CENPK: variants seen among roughly 807,000 people sequenced by gnomAD.
CENPK encodes SoxLZ/Sox6-binding protein Solt.
In CENPK, 46 loss-of-function variants were observed where a neutral mutation model predicts 40.9. The ratio of observed to expected loss-of-function variants is 1.13; its 90% CI spans 0.89 to 1.44. The LOEUF is 1.44. Among genes scored for constraint, CENPK ranks in the 40% most tolerant of loss-of-function variants. The pLI, the probability that CENPK is intolerant of heterozygous loss-of-function variation, is 0.00. For missense variants in CENPK, 288 were observed against 303.5 expected (o/e 0.95, Z 0.38); for synonymous variants, 107 against 104.4 (o/e 1.02, Z -0.15).
At chr5:65,537,592 G>T (rs935952167) in intron 6 of CENPK, among the ~76,000 whole-genome samples, 1 of 152,156 alleles carries the variant, frequency 6.6e-6, no homozygotes, top group Admixed American at 6.5e-5. Flanking sequence ...GAGCCACCAC[G>T]CCCGGCCGGT....
intron 5 of CENPK, among the ~76,000 whole-genome samples, chr5:65,548,864 A>G (rs1045368295): frequency 4.6e-5 from 7 of 152,114 alleles, no homozygotes; most frequent in African/African-American, 1.7e-4. Context: ...AACCCCTCAG[A>G]GTCATCCATG....
In CENPK at chr5:65,554,860, A is replaced by G. The variant is rs754218341; in HGVS notation, c.48T>C (p.Asp16=). The change falls in exon 3 of 11, where the codon GAT becomes GAC. Residue 16 remains aspartate, a synonymous_variant. Transcript: ENST00000396679. ...TAAGTTCTTCTTCAGTATTTGTAACATCTCCCACATCTGTAGTACTATCCG... is the reference window on the plus strand; with the variant it reads ...TAAGTTCTTCTTCAGTATTTGTAACGTCTCCCACATCTGTAGTACTATCCG... ...LDPDSTTDVG[D]VTNTEEELIR... The G allele has an allele frequency of 6.8e-6, 11 of 1,605,848 alleles. No homozygotes were observed. In the East Asian group the frequency reaches 2.5e-4, roughly 36 times the overall value.
downstream of CENPK, among the ~76,000 whole-genome samples, chr5:65,515,478 C>T (rs1366307287): frequency 2.0e-5 from 3 of 152,124 alleles, no homozygotes; most frequent in Non-Finnish European, 2.9e-5. Context: ...GCTGGGATTA[C>T]AGGCATGAAC....
At chr5:65,537,154 G>A (rs1287943814) in intron 6 of CENPK, among the ~76,000 whole-genome samples, 1 of 152,222 alleles carries the variant, frequency 6.6e-6, no homozygotes, top group East Asian at 1.9e-4. Context: ...TGGAGTTAAA[G>A]TGAGAGGAAA....
intron 6 of CENPK, among the ~76,000 whole-genome samples, chr5:65,538,109 G>C (rs1357409925): frequency 6.6e-6 from 1 of 151,924 alleles, no homozygotes; most frequent in Non-Finnish European, 1.5e-5. Flanking sequence ...CATCCTAGAC[G>C]GTGTAAAGTG....
chr5:65,535,118 GAAGTAGGAGAATCCCTT>G (rs1032238961), intron 6 of CENPK, among the ~76,000 whole-genome samples: 25 of 152,184 alleles, frequency 1.6e-4, no homozygotes, highest in African/African-American at 3.6e-4. Flanking sequence ...TCAGGAGGCT[GAAGTAGGAGAATCCCTT>G]AAGTAGGAGA....
chr5:65,552,746 T>C (rs1329461793), intron 3 of CENPK, among the ~76,000 whole-genome samples, 197 bp from the exon 4 acceptor site: 1 of 144,442 alleles, frequency 6.9e-6, no homozygotes, highest in Non-Finnish European at 1.5e-5. Flanking sequence ...ACATCACAAG[T>C]AAAAAGAGAC....
intron 5 of CENPK, among the ~76,000 whole-genome samples, chr5:65,548,343 T>G (rs1457041669): frequency 6.6e-6 from 1 of 152,230 alleles, no homozygotes; most frequent in Non-Finnish European, 1.5e-5. Context: ...AATTGCTAAC[T>G]GAGATGCCTA....
At chr5:65,513,177 C>T (rs1038936057), downstream of CENPK, among the ~76,000 whole-genome samples, 1 of 152,004 alleles carries the variant, frequency 6.6e-6, no homozygotes, top group African/African-American at 2.4e-5. Flanking sequence ...TAATAAAGTC[C>T]AACTAATTTT....
At chr5:65,517,192 C>T (rs1742921276), downstream of CENPK, among the ~76,000 whole-genome samples, 2 of 152,172 alleles carry the variant, frequency 1.3e-5, no homozygotes, top group Non-Finnish European at 2.9e-5. Context: ...ATCCGCCCAC[C>T]TCGGCCTCCC....
downstream of CENPK, among the ~76,000 whole-genome samples, chr5:65,514,731 A>G (rs1742747670): frequency 6.6e-6 from 1 of 152,206 alleles, no homozygotes; most frequent in Non-Finnish European, 1.5e-5. Context: ...AATTGATTCA[A>G]TTTATTTTAT....
At chr5:65,497,620 A>G in the CENPK span, among the ~76,000 whole-genome samples, 3 of 152,218 alleles carry the variant, frequency 2.0e-5, no homozygotes, top group African/African-American at 7.2e-5. Flanking sequence ...CCTAATGGGA[A>G]GGGGATAACA....
At chr5:65,499,053 C>A in the CENPK span, among the ~76,000 whole-genome samples, 4 of 151,442 alleles carry the variant, frequency 2.6e-5, no homozygotes, top group African/African-American at 7.3e-5. Flanking sequence ...GAGAATGAGG[C>A]CTCCCTTTAT....
At chr5:65,528,218 G>C (rs1270190763) in intron 9 of CENPK, among the ~76,000 whole-genome samples, 1 of 152,160 alleles carries the variant, frequency 6.6e-6, no homozygotes, top group Non-Finnish European at 1.5e-5. Context: ...TACAGCCTGG[G>C]TGACAGAGAG....
At chr5:65,517,755 T>A (rs963617705), downstream of CENPK, 4 of 152,078 alleles carry the variant, frequency 2.6e-5, no homozygotes, top group African/African-American at 4.8e-5. Context: ...ATATCCCACA[T>A]CACTAATAGC....
chr5:65,498,583 CCTTCT>C, the CENPK span, among the ~76,000 whole-genome samples: 27 of 151,564 alleles, frequency 1.8e-4, no homozygotes, highest in East Asian at 5.0e-3. Context: ...CATATATCTT[CCTTCT>C]CTTTCTTTTT....
intron 3 of CENPK, 21 bp downstream of exon 3, chr5:65,554,776 C>T: frequency 1.6e-6 from 2 of 1,219,390 alleles, no homozygotes; most frequent in Non-Finnish European, 2.4e-6. Flanking sequence ...TTAACTATCA[C>T]TTCTATCTTT....
At chr5:65,556,791 A>C (rs1751049853) in intron 2 of CENPK, among the ~76,000 whole-genome samples, 1 of 152,236 alleles carries the variant, frequency 6.6e-6, no homozygotes, top group Non-Finnish European at 1.5e-5. Context: ...AGCCCTAGAC[A>C]GGTGTTCCAC....
chr5:65,502,438 C>G, the CENPK span, among the ~76,000 whole-genome samples: 1 of 152,154 alleles, frequency 6.6e-6, no homozygotes, highest in African/African-American at 2.4e-5. Context: ...AAGTTTTAAG[C>G]TACAATTAAC....
Sources: allele counts gnomAD v4.1 joint callset (sites outside exome capture counted in the v4.1 genomes callset), GRCh38; gene constraint gnomAD v4.1.1; transcripts MANE v1.5; gene names NCBI Gene and HGNC (gene_info 2026-07-23, HGNC 2026-07-21).